The following DNAAF1 variants were observed in gnomAD, a reference collection of about 807,000 sequenced individuals.
DNAAF1 encodes the protein dynein assembly factor 1, axonemal.
A neutral mutation model predicts 71.1 loss-of-function variants in DNAAF1; 65 were observed. That is an observed-to-expected ratio of 0.91 (90% CI 0.75 to 1.12). DNAAF1 has a LOEUF of 1.12. DNAAF1 is among the 50% of genes most tolerant of loss of function. The probability of loss-of-function intolerance (pLI) is 0.00; values close to 1 mark genes in which losing one functional copy is unlikely to be tolerated. For synonymous variants in DNAAF1, 414 were observed against 354.6 expected (o/e 1.17, Z -1.88); for missense variants, 1,178 against 899.8 (o/e 1.31, Z -3.96).
At chr16:84,174,371 A>G in intron 9 of DNAAF1, 1 of 1,300,714 alleles carries the variant, frequency 7.7e-7, no homozygotes, top group Non-Finnish European at 9.8e-7. Context: ...ATTTCCCCCA[A>G]GATGAACTGG....
Position 84,145,355 on chromosome 16 carries a change from C to T in DNAAF1, c.-86C>T. The T allele has an allele frequency of 1.3e-6, 2 of 1,539,206 alleles. No homozygotes were observed. Among genetic ancestry groups the T allele is most frequent in the East Asian group, 2.4e-5 (1 of 40,950 alleles). On this transcript the variant is annotated 5_prime_UTR_variant, in exon 1 of 12. Coordinates refer to ENST00000378553, the MANE Select transcript of DNAAF1 (RefSeq NM_178452.6). The stretch of plus-strand genomic sequence containing the variant: ...CTGGCGAAGAAGGAAAGAGGGTACT[C>T]TCTGGCTGGGCTGGGGCCGTAGCGA...
At chr16:84,171,689 C>T (rs540888303) in intron 8 of DNAAF1, among the ~76,000 whole-genome samples, 6 of 152,204 alleles carry the variant, frequency 3.9e-5, no homozygotes, top group African/African-American at 1.2e-4. Context: ...ACCCTGCAGT[C>T]GGCTGCCATT....
At chr16:84,172,663 CTT>C (rs1458187306) in intron 9 of DNAAF1, 15 of 1,267,176 alleles carry the variant, frequency 1.2e-5, no homozygotes, top group Non-Finnish European at 1.4e-5. Context: ...CTACCAAACT[CTT>C]GATTCCTTTT....
At chr16:84,166,866 G>A (rs2088034699) in intron 7 of DNAAF1, among the ~76,000 whole-genome samples, 1 of 152,188 alleles carries the variant, frequency 6.6e-6, no homozygotes, top group South Asian at 2.1e-4. Flanking sequence ...ACTCAAATAG[G>A]TTGTTTTCTT....
chr16:84,174,598 T>A (rs1411945325), intron 9 of DNAAF1, 71 bp from the exon 10 acceptor site: 2 of 1,613,458 alleles, frequency 1.2e-6, no homozygotes, highest in Non-Finnish European at 1.7e-6. Flanking sequence ...GTGTTTGCCT[T>A]TATCGTGCCT....
intron 6 of DNAAF1, among the ~76,000 whole-genome samples, chr16:84,165,308 A>T (rs937633965): frequency 2.0e-5 from 3 of 151,948 alleles, no homozygotes; most frequent in African/African-American, 7.3e-5. Flanking sequence ...ACCCTTATCA[A>T]ATATATGATT....
At chr16:84,169,809 T>C in intron 7 of DNAAF1, 50 bp from the exon 8 acceptor site, 1 of 1,611,128 alleles carries the variant, frequency 6.2e-7, no homozygotes, top group Non-Finnish European at 8.5e-7. Flanking sequence ...ACAAACACCC[T>C]TGTCCTCCCA....
At chr16:84,151,387 C>T (rs2087173718) in intron 3 of DNAAF1, among the ~76,000 whole-genome samples, 1 of 152,112 alleles carries the variant, frequency 6.6e-6, no homozygotes, top group Non-Finnish European at 1.5e-5. Context: ...TGGAACGACT[C>T]CTATGGGTCT....
chr16:84,158,587 A>G (rs1430105746), intron 5 of DNAAF1, among the ~76,000 whole-genome samples: 1 of 152,192 alleles, frequency 6.6e-6, no homozygotes, highest in African/African-American at 2.4e-5. Flanking sequence ...TTATGTTAAT[A>G]GTTGTTTCGT....
intron 11 of DNAAF1, chr16:84,177,459 G>C: frequency 5.1e-6 from 2 of 394,500 alleles, no homozygotes; most frequent in African/African-American, 2.1e-5. Context: ...CTCCCCAGTA[G>C]CTGGTATTAT....
In DNAAF1 at chr16:84,174,671, C is replaced by T. The variant is rs1425945408; in HGVS notation, c.1647C>T (p.Asp549=). The stretch of plus-strand genomic sequence containing the variant: ...GTGCGGCTCACTTGCTCTTTCAGGA[C>T]CTACCTGACTTGGAAGATGATGATG... ...LETKETFCID[D]LPDLEDDDET... is the part of the protein sequence containing the mutation. The change falls in exon 10 of 12, where the codon GAC becomes GAT. Residue 549 remains aspartate, a splice_region_variant and synonymous_variant. Coordinates refer to ENST00000378553, the MANE Select transcript of DNAAF1 (RefSeq NM_178452.6). 1 of 1,614,006 alleles carries T rather than the reference C, an allele frequency of 6.2e-7. No homozygotes were observed. The highest frequency in any genetic ancestry group is 1.3e-5 in the African/African-American group (1 of 74,924).
Position 84,154,586 on chromosome 16 carries a change from G to C in DNAAF1, c.362G>C (p.Arg121Pro), listed in dbSNP as rs34897947. Residue 121 changes from arginine to proline, a missense_variant, in exon 4 of 12, where the codon CGC (arginine) becomes CCC (proline). Transcript: ENST00000378553. ...TLYLHFKGFDRIENLEEYTGL... is the reference protein window; with the variant it reads ...TLYLHFKGFDPIENLEEYTGL... The stretch of plus-strand genomic sequence containing the variant: ...GCTTCCTTTTTGTTAGGTTTTGATC[G>C]CATTGAGAACCTGGAAGAGTACACA... 1.9e-6 allele frequency: 3 copies of C among 1,613,896 alleles called. No individual in the cohort carries two copies. In the African/African-American group the frequency reaches 4.0e-5, roughly 22 times the overall value.
chr16:84,145,319 G>A lies in DNAAF1; in HGVS notation c.-122G>A. On this transcript the variant is annotated 5_prime_UTR_variant, in exon 1 of 12. Coordinates refer to ENST00000378553, the MANE Select transcript of DNAAF1 (RefSeq NM_178452.6). ...GGAAGCGTTGGGCTGTAAAGACTAG[G>A]GCGCCAGCGGCTGGCGAAGAAGGAA... is the stretch of plus-strand genomic sequence containing the variant. 1 of 1,484,070 alleles carries A rather than the reference G, an allele frequency of 6.7e-7. No individual in the cohort carries two copies. The highest frequency in any genetic ancestry group is 9.1e-7 in the Non-Finnish European group (1 of 1,100,840). The allele number at this position is 1,484,070 out of a possible 1,614,324, so 91.9% of individuals were successfully genotyped here. A position where few individuals can be genotyped will look rare whatever the true frequency, so the allele number is the denominator to read the frequency against.
chr16:84,170,481 T>C, intron 8 of DNAAF1, 125 bp downstream of exon 8: 3 of 1,433,560 alleles, frequency 2.1e-6, no homozygotes, highest in South Asian at 2.4e-5. Flanking sequence ...TTCTAGAAGA[T>C]AATGGACACT....
chr16:84,175,492 C>T (rs1480658336), intron 10 of DNAAF1: 7 of 236,026 alleles, frequency 3.0e-5, no homozygotes, highest in East Asian at 1.1e-4. Flanking sequence ...GTGCCAGACC[C>T]GTACCCTGAG....
intron 5 of DNAAF1, 93 bp from the exon 6 acceptor site, chr16:84,159,582 G>T: frequency 6.6e-7 from 1 of 1,510,020 alleles, no homozygotes; most frequent in Non-Finnish European, 9.0e-7. Context: ...TCAAAAAATA[G>T]ATTTTGTTCA....
chr16:84,171,136 G>A (rs1031443611), intron 8 of DNAAF1, among the ~76,000 whole-genome samples: 1 of 151,942 alleles, frequency 6.6e-6, no homozygotes, highest in African/African-American at 2.4e-5. Context: ...GATACAGCCC[G>A]GGGGAAAAGT....
Position 84,170,297 on chromosome 16 carries a change from C to T in DNAAF1, c.1469C>T (p.Pro490Leu). The change falls in exon 8 of 12, where the codon CCA becomes CTA. Residue 490 changes from proline (P) to leucine (L), a missense_variant. Transcript: ENST00000378553. Reference sequence around the variant, plus strand: ...AAAGGAGAGGATGGAGATCGAGAGCCAGAGGGGACCCTCCCAGCTGAGGCC... The same window carrying T: ...AAAGGAGAGGATGGAGATCGAGAGCTAGAGGGGACCCTCCCAGCTGAGGCC... ...KVKGEDGDRE[P>L]EGTLPAEAPP... 1 of 1,612,180 alleles carries T rather than the reference C, an allele frequency of 6.2e-7. No homozygotes were observed. The highest frequency in any genetic ancestry group is 8.5e-7 in the Non-Finnish European group (1 of 1,179,106).
At chr16:84,148,853 G>A (rs1016002058) in intron 1 of DNAAF1, among the ~76,000 whole-genome samples, 154 bp from the exon 2 acceptor site, 13 of 151,728 alleles carry the variant, frequency 8.6e-5, no homozygotes, top group Non-Finnish European at 1.8e-4. Flanking sequence ...GCCTCCCAAA[G>A]AGCTGGGATT....
Sources: allele counts gnomAD v4.1 joint callset (sites outside exome capture counted in the v4.1 genomes callset), GRCh38; gene constraint gnomAD v4.1.1; transcripts MANE v1.5; gene names NCBI Gene and HGNC (gene_info 2026-07-23, HGNC 2026-07-21).